THUMPD2: variants seen among roughly 807,000 people sequenced by gnomAD.
THUMPD2 encodes THUMP domain 2 tRNA and snRNA guanosine methyltransferase, also known as U6 snRNA (guanine-N(2))-methyltransferase THUMPD2.
A neutral mutation model predicts 49.4 loss-of-function variants in THUMPD2; 56 were observed. The observed-to-expected ratio is 1.13, with a 90% CI of 0.91 to 1.41. The LOEUF is 1.41. Among genes scored for constraint, THUMPD2 ranks in the 40% most tolerant of loss-of-function variants. The pLI is 0.00. For synonymous variants in THUMPD2, 237 were observed against 205.2 expected, an observed-to-expected ratio of 1.15 and a Z score of -1.32; for missense variants, 709 against 594.5, an observed-to-expected ratio of 1.19 and a Z score of -2.00.
intron 9 of THUMPD2, among the ~76,000 whole-genome samples, chr2:39,742,136 A>T (rs562971840): frequency 6.6e-6 from 1 of 152,278 alleles, no homozygotes; most frequent in South Asian, 2.1e-4. Context: ...TCTGTCTCCA[A>T]AGCCTATACT....
At chr2:39,773,503 C>G (rs1678612225) in intron 1 of THUMPD2, among the ~76,000 whole-genome samples, 2 of 146,464 alleles carry the variant, frequency 1.4e-5, no homozygotes, top group African/African-American at 5.0e-5. Flanking sequence ...AGCATTTTAT[C>G]CGATGAGCTT....
intron 8 of THUMPD2, among the ~76,000 whole-genome samples, chr2:39,752,301 C>T (rs1675513929): frequency 6.6e-6 from 1 of 152,028 alleles, no homozygotes; most frequent in African/African-American, 2.4e-5. Flanking sequence ...AAAGAGAGGT[C>T]CAGTTTTTCT....
chr2:39,778,689 C>T (rs1258116189), intron 1 of THUMPD2, among the ~76,000 whole-genome samples: 1 of 152,198 alleles, frequency 6.6e-6, no homozygotes, highest in Non-Finnish European at 1.5e-5. Flanking sequence ...TAATTTAATT[C>T]TCACAACAAT....
intron 6 of THUMPD2, among the ~76,000 whole-genome samples, chr2:39,759,597 G>C (rs1241727106): frequency 6.6e-6 from 1 of 151,986 alleles, no homozygotes; most frequent in East Asian, 1.9e-4. Flanking sequence ...ATATACATAA[G>C]CATGTTCTGG....
At chr2:39,750,671 C>T (rs1572780713) in intron 8 of THUMPD2, among the ~76,000 whole-genome samples, 1 of 151,684 alleles carries the variant, frequency 6.6e-6, no homozygotes, top group African/African-American at 2.4e-5. Flanking sequence ...TGCACCACTG[C>T]ACTCCAGCCT....
chr2:39,748,020 C>T (rs1674837792), intron 8 of THUMPD2, among the ~76,000 whole-genome samples: 1 of 152,134 alleles, frequency 6.6e-6, no homozygotes, highest in African/African-American at 2.4e-5. Context: ...AAGTCTTGTG[C>T]ATTGTTGAGC....
Position 39,746,467 on chromosome 2 carries a change from G to A in THUMPD2, c.1079-1989C>T, listed in dbSNP as rs936727773. Among the ~76,000 whole-genome samples, 3 of 152,150 alleles carry A rather than the reference G, an allele frequency of 2.0e-5. No homozygotes were observed. In the East Asian group the frequency reaches 5.8e-4, roughly 29 times the overall value. ...CTCCTAGAACCATGAGCACCTGACC[G>A]ATACGATTCAACATACAGTAAAATC... On this transcript the variant is annotated intron_variant, in intron 8 of 9. Transcript: ENST00000505747.
chr2:39,742,804 G>A (rs1674080001), intron 9 of THUMPD2, among the ~76,000 whole-genome samples: 1 of 152,120 alleles, frequency 6.6e-6, no homozygotes, highest in Non-Finnish European at 1.5e-5. Flanking sequence ...GGGAGGGGTG[G>A]ATAGCAGGGA....
At chr2:39,761,260 C>A (rs1242794271) in intron 6 of THUMPD2, 71 bp downstream of exon 6, 5 of 1,314,006 alleles carry the variant, frequency 3.8e-6, no homozygotes, top group Non-Finnish European at 5.4e-6. Context: ...AAATATCCAT[C>A]AATAAGAGAC....
At chr2:39,737,279 C>CTAATT (rs60117530) in intron 9 of THUMPD2, among the ~76,000 whole-genome samples, 1 of 151,364 alleles carries the variant, frequency 6.6e-6, no homozygotes, top group Non-Finnish European at 1.5e-5. Flanking sequence ...TATTTTTACT[C>CTAATT]AAAAGGCAAG....
At chr2:39,774,676 T>C (rs895037369) in intron 1 of THUMPD2, among the ~76,000 whole-genome samples, 3 of 152,208 alleles carry the variant, frequency 2.0e-5, no homozygotes, top group Non-Finnish European at 4.4e-5. Flanking sequence ...CTGCTGAAGC[T>C]ACTAATTCTC....
intron 9 of THUMPD2, among the ~76,000 whole-genome samples, chr2:39,739,017 T>A (rs1040319889): frequency 2.6e-5 from 4 of 152,234 alleles, no homozygotes; most frequent in African/African-American, 9.6e-5. Context: ...TAGACAATTC[T>A]GTCTCTAAAT....
chr2:39,757,925 T>C (rs1267715133), intron 6 of THUMPD2, among the ~76,000 whole-genome samples: 5 of 152,146 alleles, frequency 3.3e-5, no homozygotes, highest in Non-Finnish European at 5.9e-5. Context: ...GTCACTTAGA[T>C]TGTGGGTCAC....
intron 1 of THUMPD2, among the ~76,000 whole-genome samples, chr2:39,775,286 T>TA (rs1678926304): frequency 6.6e-6 from 1 of 152,078 alleles, no homozygotes; most frequent in African/African-American, 2.4e-5. Context: ...CACGATTTTT[T>TA]TAAAAAGTTT....
chr2:39,755,534 A>T, intron 7 of THUMPD2, 125 bp from the exon 8 acceptor site: 1 of 632,706 alleles, frequency 1.6e-6, no homozygotes, highest in Non-Finnish European at 2.6e-6. Context: ...AGGTCAAAAC[A>T]CATTTAGGGT....
In THUMPD2 at chr2:39,737,133, T is replaced by C. The variant is rs1673190299; in HGVS notation, c.1188-74A>G. 3 of 1,353,688 alleles carry C rather than the reference T, an allele frequency of 2.2e-6. 1 individual carries two copies. In the Admixed American group the frequency reaches 7.7e-5, roughly 35 times the overall value. 83.9% of individuals were successfully genotyped at this position (1,353,688 alleles called of 1,614,324 possible). On this transcript the variant is annotated intron_variant, in intron 9 of 9. Coordinates refer to ENST00000505747, the MANE Select transcript of THUMPD2 (RefSeq NM_025264.5). ...ACAAACAATCCCACTTCATTTAAAA[T>C]GGTTCATGTTTTTAATTTGAAATTT...
Position 39,744,390 on chromosome 2 carries a change from G to C in THUMPD2, c.1167C>G (p.Ser389Arg), listed in dbSNP as rs151108984. The change falls in exon 9 of 10, where the codon AGC becomes AGG. Residue 389 changes from serine (S) to arginine (R), a missense_variant. Coordinates refer to ENST00000505747, the MANE Select transcript of THUMPD2 (RefSeq NM_025264.5). ...CTTACCTTTCCATTTCTTGTAGAATGCTTTTGATGTCTTTTCCTAACTTAA... is the reference window on the plus strand; with the variant it reads ...CTTACCTTTCCATTTCTTGTAGAATCCTTTTGATGTCTTTTCCTAACTTAA... Reference protein sequence around the residue: ...KKFKLGKDIKSILQEMERVLH... With the variant: ...KKFKLGKDIKRILQEMERVLH... The C allele has an allele frequency of 1.3e-6, 2 of 1,575,228 alleles. No homozygotes were observed. The highest frequency in any genetic ancestry group is 1.4e-5 in the African/African-American group (1 of 72,572).
At chr2:39,775,614 T>C (rs1678967697) in intron 1 of THUMPD2, among the ~76,000 whole-genome samples, 1 of 151,776 alleles carries the variant, frequency 6.6e-6, no homozygotes, top group Non-Finnish European at 1.5e-5. Context: ...GTCTGTACTA[T>C]AGATACAAAA....
At chr2:39,766,453 C>T (rs891552033) in intron 4 of THUMPD2, among the ~76,000 whole-genome samples, 1 of 152,068 alleles carries the variant, frequency 6.6e-6, no homozygotes, top group African/African-American at 2.4e-5. Context: ...TTTCTAAATC[C>T]ACCCTCATTT....
Sources: allele counts gnomAD v4.1 joint callset (sites outside exome capture counted in the v4.1 genomes callset), GRCh38; gene constraint gnomAD v4.1.1; transcripts MANE v1.5; gene names NCBI Gene and HGNC (gene_info 2026-07-23, HGNC 2026-07-21).